AK9: variants seen among roughly 807,000 people sequenced by gnomAD.
AK9 encodes the protein adenylate kinase domain containing 1.
AK9 carries 191 observed loss-of-function variants against 239.6 expected under a neutral mutation model. That is an observed-to-expected ratio of 0.80 (90% CI 0.71 to 0.90). The LOEUF is 0.90. AK9 is among the 40% of genes least tolerant of loss of function. The pLI, the probability that AK9 is intolerant of heterozygous loss-of-function variation, is 0.00. For missense variants in AK9, 1,995 were observed against 2,214.7 expected, an observed-to-expected ratio of 0.90 and a Z score of 1.99; for synonymous variants, 689 against 721.0, an observed-to-expected ratio of 0.96 and a Z score of 0.71.
intron 26 of AK9, among the ~76,000 whole-genome samples, chr6:109,543,568 C>T (rs1365720176): frequency 6.6e-6 from 1 of 152,002 alleles, no homozygotes; most frequent in Non-Finnish European, 1.5e-5. Flanking sequence ...CTGCCTTAGC[C>T]TACTGAGTAG....
chr6:109,688,001 G>A (rs562202546), intron 1 of AK9, among the ~76,000 whole-genome samples: 16 of 152,264 alleles, frequency 1.1e-4, no homozygotes, highest in Admixed American at 5.9e-4. Context: ...TGCATAATGG[G>A]TTTGTAAATG....
At chr6:109,621,893 T>TAAAAA (rs59405869) in intron 12 of AK9, among the ~76,000 whole-genome samples, 12 of 55,516 alleles carry the variant, frequency 2.2e-4, no homozygotes, top group African/African-American at 6.5e-4. Flanking sequence ...AAAGTATAAT[T>TAAAAA]AAAAAAAAAA....
At chr6:109,601,672 A>G (rs1791990842) in intron 17 of AK9, among the ~76,000 whole-genome samples, 1 of 152,162 alleles carries the variant, frequency 6.6e-6, no homozygotes, top group African/African-American at 2.4e-5. Flanking sequence ...TAATGTTGAT[A>G]GTGGGGTGTT....
intron 5 of AK9, among the ~76,000 whole-genome samples, chr6:109,666,505 T>A (rs1163691363): frequency 6.6e-6 from 1 of 152,206 alleles, no homozygotes. Context: ...CTTTGCATGT[T>A]CTATCATAGG....
chr6:109,532,587 T>C (rs929021374), intron 28 of AK9, among the ~76,000 whole-genome samples: 1 of 152,244 alleles, frequency 6.6e-6, no homozygotes, highest in African/African-American at 2.4e-5. Flanking sequence ...CAATAGGTCA[T>C]TCCTTCTTAA....
chr6:109,671,855 C>A, intron 5 of AK9, 64 bp downstream of exon 5: 1 of 1,455,530 alleles, frequency 6.9e-7, no homozygotes, highest in Non-Finnish European at 9.5e-7. Flanking sequence ...ACTATTTTTG[C>A]CTCAGATAAA....
intron 8 of AK9, 84 bp downstream of exon 8, chr6:109,656,672 G>A: frequency 1.4e-6 from 2 of 1,389,098 alleles, no homozygotes; most frequent in East Asian, 2.4e-5. Context: ...ATAACACATG[G>A]GGATGAAGAC....
intron 29 of AK9, among the ~76,000 whole-genome samples, chr6:109,526,467 C>G (rs915328763): frequency 5.3e-5 from 8 of 152,008 alleles, no homozygotes; most frequent in East Asian, 1.9e-4. Flanking sequence ...TTCATAGTCT[C>G]AGAGAGACAG....
chr6:109,575,461 G>A (rs1408024157), intron 20 of AK9, among the ~76,000 whole-genome samples: 1 of 151,978 alleles, frequency 6.6e-6, no homozygotes, highest in East Asian at 1.9e-4. Context: ...TATATTCGCT[G>A]GCCATTTGTA....
intron 12 of AK9, 157 bp downstream of exon 12, chr6:109,632,766 G>A: frequency 7.4e-7 from 1 of 1,357,314 alleles, no homozygotes; most frequent in Non-Finnish European, 9.5e-7. Flanking sequence ...CCCAAGCCCA[G>A]TGGAACAATT....
Position 109,585,911 on chromosome 6 carries a change from C to G in AK9, c.1999+5G>C. 6.6e-7 allele frequency: 1 copy of G among 1,524,670 alleles called. No homozygotes were observed. Among genetic ancestry groups the G allele is most frequent in the Non-Finnish European group, 8.8e-7 (1 of 1,137,312 alleles). The allele number at this position is 1,524,670 out of a possible 1,614,324, so 94.4% of individuals were successfully genotyped here. A position where few individuals can be genotyped will look rare whatever the true frequency, so the allele number is the denominator to read the frequency against. On this transcript the variant is annotated splice_donor_5th_base_variant and intron_variant, in intron 18 of 40. Transcript: ENST00000424296. ...TTCAAATTTACATAATAAATATTTA[C>G]CAACCATTGTTTTCTGTATCTGATA...
intron 24 of AK9, among the ~76,000 whole-genome samples, chr6:109,561,645 ATGT>A (rs1785794966): frequency 6.6e-6 from 1 of 152,098 alleles, no homozygotes; most frequent in African/African-American, 2.4e-5. Context: ...TACATTAAAG[ATGT>A]TGCTCCACTC....
intron 5 of AK9, among the ~76,000 whole-genome samples, chr6:109,667,509 C>T (rs1383998353): frequency 6.6e-6 from 1 of 151,974 alleles, no homozygotes; most frequent in Non-Finnish European, 1.5e-5. Context: ...CCCATTAACT[C>T]GTCATTTACA....
At chr6:109,685,325 A>G (rs575113076) in intron 1 of AK9, among the ~76,000 whole-genome samples, 1 of 152,326 alleles carries the variant, frequency 6.6e-6, no homozygotes, top group African/African-American at 2.4e-5. Flanking sequence ...ACTTAGAGCC[A>G]ACCTAAATGT....
chr6:109,688,678 T>C (rs1773862321), intron 1 of AK9, among the ~76,000 whole-genome samples: 1 of 152,202 alleles, frequency 6.6e-6, no homozygotes, highest in Non-Finnish European at 1.5e-5. Context: ...ACCTCACTTC[T>C]GGACAAGAGG....
At chr6:109,667,971 T>G (rs954813277) in intron 5 of AK9, among the ~76,000 whole-genome samples, 1 of 152,156 alleles carries the variant, frequency 6.6e-6, no homozygotes, top group Non-Finnish European at 1.5e-5. Flanking sequence ...CCCTGAGGAA[T>G]CGCCACAGTC....
At chr6:109,648,612 C>T (rs540926588) in intron 8 of AK9, among the ~76,000 whole-genome samples, 2 of 152,236 alleles carry the variant, frequency 1.3e-5, no homozygotes, top group African/African-American at 2.4e-5. Flanking sequence ...GCTTACCAAA[C>T]AAAAAGAGTC....
At chr6:109,598,835 C>A (rs1295861720) in intron 17 of AK9, among the ~76,000 whole-genome samples, 3 of 152,190 alleles carry the variant, frequency 2.0e-5, no homozygotes, top group Non-Finnish European at 4.4e-5. Flanking sequence ...TGATGATGAG[C>A]AGTTTTTCAT....
chr6:109,568,338 A>G (rs1036678101), intron 21 of AK9, among the ~76,000 whole-genome samples: 6 of 152,170 alleles, frequency 3.9e-5, no homozygotes, highest in African/African-American at 1.4e-4. Flanking sequence ...AATGGGCAAA[A>G]ACTGGAAGCA....
Sources: allele counts gnomAD v4.1 joint callset (sites outside exome capture counted in the v4.1 genomes callset), GRCh38; gene constraint gnomAD v4.1.1; transcripts MANE v1.5; gene names NCBI Gene and HGNC (gene_info 2026-07-23, HGNC 2026-07-21).